The following GRB14 variants were observed in gnomAD, a reference collection of about 807,000 sequenced individuals.
GRB14 encodes the protein growth factor receptor-bound protein 14.
In GRB14, 38 loss-of-function variants were observed where a neutral mutation model predicts 69.1. That is an observed-to-expected ratio of 0.55 (90% CI 0.42 to 0.72). The LOEUF is 0.72. GRB14 is among the 30% of genes least tolerant of loss of function. GRB14 has a pLI of 0.00. For missense variants in GRB14, 666 were observed against 666.1 expected, an observed-to-expected ratio of 1.00 and a Z score of 0.00; for synonymous variants, 247 against 241.3, an observed-to-expected ratio of 1.02 and a Z score of -0.22.
At chr2:164,567,671 TGTAA>T (rs1238505624) in intron 2 of GRB14, among the ~76,000 whole-genome samples, 3 of 152,328 alleles carry the variant, frequency 2.0e-5, no homozygotes, top group Non-Finnish European at 2.9e-5. Context: ...AATGCAATGC[TGTAA>T]GTGAGACATA....
intron 2 of GRB14, among the ~76,000 whole-genome samples, chr2:164,550,111 C>T (rs1483250105): frequency 1.3e-5 from 2 of 152,092 alleles, no homozygotes; most frequent in Non-Finnish European, 2.9e-5. Context: ...AATCCTTTCT[C>T]TTTTCTCCCC....
chr2:164,505,223 G>A (rs1251706240), intron 8 of GRB14, among the ~76,000 whole-genome samples: 2 of 152,186 alleles, frequency 1.3e-5, no homozygotes, highest in African/African-American at 2.4e-5. Context: ...ATTGAAAGAT[G>A]CCTTAAGAAC....
chr2:164,551,443 T>C (rs952083041), intron 2 of GRB14, among the ~76,000 whole-genome samples: 1 of 152,128 alleles, frequency 6.6e-6, no homozygotes, highest in Non-Finnish European at 1.5e-5. Flanking sequence ...AAAATTCACA[T>C]GTTGAATCCC....
At position 164,497,297 on chromosome 2, in the gene GRB14, G is replaced by A. The variant is rs1686928161; in HGVS notation, c.1222-14C>T. The A allele has an allele frequency of 1.2e-6, 2 of 1,610,734 alleles. No individual in the cohort carries two copies. The highest frequency in any genetic ancestry group is 1.7e-4 in the Middle Eastern group (1 of 6,036). Reference sequence around the variant, plus strand: ...ACATCCTTTTTTCTGAGCAAGGAAGGAGAAAACAAATCTCAAGTTTTTAGG... The same window carrying A: ...ACATCCTTTTTTCTGAGCAAGGAAGAAGAAAACAAATCTCAAGTTTTTAGG... On this transcript the variant is annotated splice_polypyrimidine_tract_variant and intron_variant, in intron 10 of 13. Transcript: ENST00000263915.
intron 2 of GRB14, among the ~76,000 whole-genome samples, chr2:164,549,888 TAA>T (rs1454306541): frequency 7.7e-5 from 10 of 130,560 alleles, no homozygotes; most frequent in Middle Eastern, 3.5e-3. Context: ...TAAAATAAAA[TAA>T]AATAAAATAA....
intron 2 of GRB14, among the ~76,000 whole-genome samples, chr2:164,602,105 TG>T: frequency 6.6e-6 from 1 of 150,628 alleles, no homozygotes; most frequent in African/African-American, 2.4e-5. Flanking sequence ...AAACACTTTT[TG>T]TGTGTCTCCA....
chr2:164,598,564 C>T (rs915305776), intron 2 of GRB14, among the ~76,000 whole-genome samples: 15 of 152,096 alleles, frequency 9.9e-5, no homozygotes, highest in Non-Finnish European at 2.2e-4. Context: ...TTCCTGGAAC[C>T]TGGTATTTTT....
chr2:164,525,057 C>G lies in GRB14; in HGVS notation c.625G>C (p.Val209Leu). ...CCATTGGTTTCAGTTGCAAAAGATA[C>G]CATATGCTCTGGAAAAAAATACTGT... is the stretch of plus-strand genomic sequence containing the variant. ...NPMYFFPEHM[V>L]SFATETNGEI... is the part of the protein sequence containing the mutation. The change falls in exon 5 of 14, where the codon GTA becomes CTA. Residue 209 changes from valine (V) to leucine (L), a missense_variant. By Grantham distance (32) the Val-to-Leu change is conservative (BLOSUM62 1). Transcript: ENST00000263915. 3 of 1,586,458 alleles carry G rather than the reference C, an allele frequency of 1.9e-6. No homozygotes were observed. In the South Asian group the frequency reaches 3.4e-5, roughly 18 times the overall value.
chr2:164,564,327 T>G (rs1225819154), intron 2 of GRB14, among the ~76,000 whole-genome samples: 1 of 152,222 alleles, frequency 6.6e-6, no homozygotes, highest in Non-Finnish European at 1.5e-5. Context: ...CCCTGGAGCA[T>G]GGCAAATGCT....
intron 3 of GRB14, among the ~76,000 whole-genome samples, chr2:164,546,820 C>A (rs990192723): frequency 1.3e-5 from 2 of 152,154 alleles, no homozygotes; most frequent in Non-Finnish European, 2.9e-5. Context: ...CTCTGCTCTG[C>A]AACCCAGCCA....
chr2:164,598,332 T>A (rs1689835240), intron 2 of GRB14, among the ~76,000 whole-genome samples: 1 of 152,208 alleles, frequency 6.6e-6, no homozygotes, highest in Admixed American at 6.5e-5. Context: ...TAGCATTGTT[T>A]CTATGGGAAA....
At chr2:164,597,701 C>A (rs919528008) in intron 2 of GRB14, among the ~76,000 whole-genome samples, 1 of 149,218 alleles carries the variant, frequency 6.7e-6, no homozygotes. Flanking sequence ...GAGAGGGAGA[C>A]AGAAGGAAGA....
At chr2:164,590,599 T>C (rs898101540) in intron 2 of GRB14, among the ~76,000 whole-genome samples, 6 of 152,198 alleles carry the variant, frequency 3.9e-5, no homozygotes, top group Non-Finnish European at 7.3e-5. Flanking sequence ...CCTACACAAA[T>C]TGATATTCAG....
At chr2:164,604,124 C>T (rs374471827) in intron 2 of GRB14, among the ~76,000 whole-genome samples, 4 of 152,230 alleles carry the variant, frequency 2.6e-5, no homozygotes, top group South Asian at 2.1e-4. Flanking sequence ...GAAATGGAGA[C>T]GCATATAGTG....
At chr2:164,562,357 T>G (rs993274896) in intron 2 of GRB14, among the ~76,000 whole-genome samples, 1 of 152,190 alleles carries the variant, frequency 6.6e-6, no homozygotes, top group Non-Finnish European at 1.5e-5. Flanking sequence ...AATATATTCA[T>G]CAGCGTATAT....
intron 2 of GRB14, among the ~76,000 whole-genome samples, chr2:164,572,813 A>AG (rs1420502640): frequency 6.6e-6 from 1 of 152,194 alleles, no homozygotes; most frequent in Non-Finnish European, 1.5e-5. Flanking sequence ...CTTTATACAG[A>AG]GAAAAAAAAG....
chr2:164,508,551 C>G lies in GRB14; in HGVS notation c.928-1G>C, dbSNP rs1436970477. ...CTCGGGGCCCTCCCGCTTTGTTAGG[C>G]TAGAAGGCCACAGCACATTGTTTAT... is the stretch of plus-strand genomic sequence containing the variant. On this transcript the variant is annotated splice_acceptor_variant, in intron 7 of 13. Transcript: ENST00000263915. LOFTEE classifies it high-confidence loss of function. 6.2e-7 allele frequency: 1 copy of G among 1,613,308 alleles called. No homozygotes were observed. The highest frequency in any genetic ancestry group is 1.3e-5 in the African/African-American group (1 of 74,886).
chr2:164,599,554 T>C (rs1328991451), intron 2 of GRB14, among the ~76,000 whole-genome samples: 1 of 152,162 alleles, frequency 6.6e-6, no homozygotes, highest in East Asian at 1.9e-4. Flanking sequence ...AATGACAAAG[T>C]AGGCAGTGCT....
chr2:164,503,476 A>T (rs1007731291), intron 8 of GRB14, among the ~76,000 whole-genome samples: 3 of 129,118 alleles, frequency 2.3e-5, no homozygotes, highest in Non-Finnish European at 4.8e-5. Context: ...AAAAAAAAAA[A>T]TCAGAGGAGG....
Sources: allele counts gnomAD v4.1 joint callset (sites outside exome capture counted in the v4.1 genomes callset), GRCh38; gene constraint gnomAD v4.1.1; transcripts MANE v1.5; gene names NCBI Gene and HGNC (gene_info 2026-07-23, HGNC 2026-07-21).